The following CNTN4 variants were observed in gnomAD, a reference collection of about 807,000 sequenced individuals.
CNTN4 encodes contactin 4.
CNTN4 carries 77 observed loss-of-function variants against 122.5 expected under a neutral mutation model. The observed-to-expected ratio is 0.63, with a 90% confidence interval of 0.52 to 0.76. The LOEUF (loss-of-function observed/expected upper bound fraction) is 0.76, where lower values mean the gene tolerates loss of function less well. Among genes scored for constraint, CNTN4 ranks in the 30% least tolerant of loss-of-function variants. The pLI is 0.00. For missense variants in CNTN4, 1,256 were observed against 1,259.1 expected (o/e 1.00, Z 0.04); for synonymous variants, 512 against 447.0 (o/e 1.15, Z -1.83).
intron 2 of CNTN4, among the ~76,000 whole-genome samples, chr3:2,177,996 T>G (rs2036832612): frequency 6.6e-6 from 1 of 152,060 alleles, no homozygotes; most frequent in Admixed American, 6.6e-5. Context: ...TATTCCTAAA[T>G]TTGAATACCC....
chr3:2,899,988 A>G (rs1409848774), intron 10 of CNTN4, among the ~76,000 whole-genome samples: 1 of 152,206 alleles, frequency 6.6e-6, no homozygotes, highest in Non-Finnish European at 1.5e-5. Context: ...CCCAAAATAA[A>G]GTAGCTTAGA....
At position 2,709,960 on chromosome 3, in the gene CNTN4, A is replaced by C. The variant is rs2087022078; in HGVS notation, c.56-26255A>C. 6.6e-6 allele frequency among the ~76,000 whole-genome samples: 1 copy of C among 152,132 alleles called. No individual in the cohort carries two copies. Among genetic ancestry groups the C allele is most frequent in the South Asian group, 2.1e-4 (1 of 4,820 alleles). On this transcript the variant is annotated intron_variant, in intron 4 of 24. Transcript: ENST00000418658. This position sits in a 1 kb window ranked among gnomAD's most constrained non-coding sequence, Gnocchi z 5.0. The stretch of plus-strand genomic sequence containing the variant: ...TCCAAAGAGCATGTTTCCACACTTA[A>C]TGCTTATTGCTGAAACCCTCCTTTG...
intron 4 of CNTN4, among the ~76,000 whole-genome samples, chr3:2,672,007 G>C (rs1468867145): frequency 2.0e-5 from 3 of 152,228 alleles, no homozygotes; most frequent in Non-Finnish European, 2.9e-5. Flanking sequence ...GGCCATGTGA[G>C]GTGTCAGTCT....
At chr3:2,768,591 A>G (rs1049161340) in intron 6 of CNTN4, among the ~76,000 whole-genome samples, 2 of 152,122 alleles carry the variant, frequency 1.3e-5, no homozygotes, top group Non-Finnish European at 2.9e-5. Flanking sequence ...GACTTCCCCT[A>G]TCTACTTTAT....
chr3:2,373,932 T>A (rs1485746209), intron 3 of CNTN4, among the ~76,000 whole-genome samples: 1 of 152,180 alleles, frequency 6.6e-6, no homozygotes, highest in Non-Finnish European at 1.5e-5. Context: ...TTATGGTTAA[T>A]TTAGAAAGCA....
At chr3:3,018,464 G>A (rs1697968779) in intron 14 of CNTN4, among the ~76,000 whole-genome samples, 1 of 152,022 alleles carries the variant, frequency 6.6e-6, no homozygotes, top group Non-Finnish European at 1.5e-5. Context: ...TTCCTGTCTG[G>A]CACAGAAGAG....
intron 3 of CNTN4, among the ~76,000 whole-genome samples, chr3:2,477,912 C>G (rs2075877034): frequency 6.6e-6 from 1 of 152,034 alleles, no homozygotes; most frequent in Non-Finnish European, 1.5e-5. Flanking sequence ...TATTAGTAGG[C>G]CAGAAAACAA....
intron 6 of CNTN4, among the ~76,000 whole-genome samples, chr3:2,752,640 C>G (rs533683323): frequency 2.0e-5 from 3 of 152,250 alleles, no homozygotes; most frequent in African/African-American, 7.2e-5. Context: ...CGTGAGCCAC[C>G]GTGCCCAGCT....
At chr3:2,682,209 T>A (rs1682177153) in intron 4 of CNTN4, among the ~76,000 whole-genome samples, 1 of 152,224 alleles carries the variant, frequency 6.6e-6, no homozygotes, top group Non-Finnish European at 1.5e-5. Flanking sequence ...TCCTTGACCA[T>A]GAAACATTTA....
chr3:3,010,995 G>C (rs9310923), intron 14 of CNTN4, among the ~76,000 whole-genome samples: 3 of 152,018 alleles, frequency 2.0e-5, no homozygotes, highest in Non-Finnish European at 4.4e-5. Flanking sequence ...ATCCTCTCAC[G>C]TTTATCACTT....
chr3:2,650,409 A>G (rs1200821222), intron 4 of CNTN4, among the ~76,000 whole-genome samples: 2 of 152,180 alleles, frequency 1.3e-5, no homozygotes, highest in African/African-American at 4.8e-5. Flanking sequence ...AGATTGTGCA[A>G]ATTGTTGAAA....
At chr3:2,896,720 G>C (rs1321701780) in intron 10 of CNTN4, among the ~76,000 whole-genome samples, 2 of 152,168 alleles carry the variant, frequency 1.3e-5, no homozygotes, top group Non-Finnish European at 2.9e-5. Context: ...GCAGGAGATA[G>C]AGATTTGGGA....
intron 3 of CNTN4, among the ~76,000 whole-genome samples, chr3:2,412,506 G>T (rs2047262062): frequency 6.6e-6 from 1 of 152,114 alleles, no homozygotes; most frequent in African/African-American, 2.4e-5. Context: ...GCCCTCCTCA[G>T]CCTCCCAAAG....
At chr3:2,858,866 T>A (rs4234554) in intron 7 of CNTN4, among the ~76,000 whole-genome samples, 110,303 of 152,146 alleles carry the variant, frequency 0.72, 40,058 homozygotes, top group East Asian at 0.79. Context: ...GGCTAAATCA[T>A]GCTCATTAAC....
At chr3:3,009,495 G>A (rs9833806) in intron 14 of CNTN4, among the ~76,000 whole-genome samples, 92,508 of 150,620 alleles carry the variant, frequency 0.61, 28,825 homozygotes, top group Middle Eastern at 0.73. Flanking sequence ...GTGCAGTGGC[G>A]CGATCTCAGC....
At chr3:2,368,737 T>C (rs2045514939) in intron 3 of CNTN4, among the ~76,000 whole-genome samples, 1 of 152,140 alleles carries the variant, frequency 6.6e-6, no homozygotes, top group African/African-American at 2.4e-5. Flanking sequence ...ATTATTGCAG[T>C]GTTCAAGTGT....
chr3:2,926,466 T>C (rs548943822), intron 13 of CNTN4, among the ~76,000 whole-genome samples: 1 of 152,312 alleles, frequency 6.6e-6, no homozygotes, highest in Non-Finnish European at 1.5e-5. Context: ...TCTAAGACCT[T>C]TTCTTGGCTG....
rs1159210014 is a variant in CNTN4 at position 2,634,675 on chromosome 3, A to AG, written c.55+63118dup. ...GAAACCCCATCTCTACTAAAAATAC[A>AG]GAAAAAAAAAAAATATATATATATA... On this transcript the variant is annotated intron_variant, in intron 4 of 24. Coordinates refer to ENST00000418658, the MANE Select transcript of CNTN4 (RefSeq NM_175607.3). Among the ~76,000 whole-genome samples the AG allele has an allele frequency of 1.5e-4, 12 of 79,104 alleles. 1 individual carries two copies. The highest frequency in any genetic ancestry group is 2.9e-4 in the Admixed American group (2 of 6,796). The allele number at this position is 79,104 out of a possible 152,430, so 51.9% of individuals were successfully genotyped here.
chr3:2,139,858 C>T (rs762184414), intron 2 of CNTN4, among the ~76,000 whole-genome samples: 13 of 152,208 alleles, frequency 8.5e-5, no homozygotes, highest in Non-Finnish European at 1.6e-4. Context: ...GCATCTTTTC[C>T]TACCAATCCA....
Sources: gnomAD v4.1 joint callset for allele counts (sites outside exome capture counted in the v4.1 genomes callset) on GRCh38, gnomAD v4.1.1 for gene constraint, Gnocchi (gnomAD v3.1) non-coding constraint, MANE v1.5 for transcripts, NCBI Gene and HGNC (gene_info 2026-07-23, HGNC 2026-07-21) for gene names.